Variants in FGF13 observed in about 807,000 individuals in gnomAD.
The protein encoded by FGF13 is fibroblast growth factor 13, also known as fibroblast growth factor homologous factor 2.
In FGF13, 2 loss-of-function variants were observed where a neutral mutation model predicts 19.5. The ratio of observed to expected loss-of-function variants is 0.10; its 90% CI spans 0.04 to 0.32. The LOEUF (loss-of-function observed/expected upper bound fraction) is 0.32. Ranked by LOEUF, FGF13 falls within the 10% of genes least tolerant of loss-of-function variation. The probability of loss-of-function intolerance (pLI) is 1.00; values close to 1 mark genes in which losing one functional copy is unlikely to be tolerated. For synonymous variants in FGF13, 72 were observed against 76.9 expected (o/e 0.94, Z 0.33); for missense variants, 113 against 192.7 (o/e 0.59, Z 2.45).
chrX:139,039,073 C>G (rs962267008), intron 1 of FGF13, among the ~76,000 whole-genome samples: 2 of 112,164 alleles, frequency 1.8e-5, no homozygotes. Context: ...AGATTTGAAA[C>G]CAAGCCTTCT....
intron 1 of FGF13, among the ~76,000 whole-genome samples, chrX:139,201,625 A>G (rs1275796274): frequency 8.9e-6 from 1 of 112,185 alleles, no homozygotes; most frequent in Non-Finnish European, 1.9e-5. Flanking sequence ...ATTAAAGATG[A>G]CCTATATATA....
chrX:139,118,435 C>A (rs1482844619), intron 1 of FGF13, among the ~76,000 whole-genome samples: 1 of 111,355 alleles, frequency 9.0e-6, no homozygotes, highest in Admixed American at 9.5e-5. Context: ...TAGGAACTCT[C>A]TGAATTAGGA....
At chrX:139,054,889 G>A (rs867103042) in intron 1 of FGF13, among the ~76,000 whole-genome samples, 1 of 96,200 alleles carries the variant, frequency 1.0e-5, no homozygotes. Flanking sequence ...GTTGTGTTGT[G>A]TTGTGTTGTG....
intron 1 of FGF13, among the ~76,000 whole-genome samples, chrX:138,877,234 T>C (rs2091395408): frequency 9.1e-6 from 1 of 110,366 alleles, no homozygotes; most frequent in African/African-American, 3.3e-5. Context: ...TTCTGTTTTT[T>C]TTTTAAGAAG....
At chrX:139,095,755 C>A (rs1181072212) in intron 1 of FGF13, among the ~76,000 whole-genome samples, 1 of 111,944 alleles carries the variant, frequency 8.9e-6, no homozygotes, top group Non-Finnish European at 1.9e-5. Flanking sequence ...CCACTTTCTG[C>A]ATCTTTGTTC....
intron 1 of FGF13, among the ~76,000 whole-genome samples, chrX:138,736,998 G>A (rs1373661010): frequency 1.8e-5 from 2 of 111,463 alleles, no homozygotes; most frequent in Non-Finnish European, 3.8e-5. Context: ...TTAAAAACAA[G>A]ATTGAAAGGG....
intron 1 of FGF13, among the ~76,000 whole-genome samples, chrX:139,043,506 C>T (rs1214723449): frequency 1.8e-5 from 2 of 111,172 alleles, no homozygotes; most frequent in Non-Finnish European, 3.8e-5. Flanking sequence ...AGCCACCGCA[C>T]CTGGCTGCTT....
intron 3 of FGF13, among the ~76,000 whole-genome samples, chrX:138,663,823 TAA>T (rs758318109): frequency 2.7e-5 from 3 of 111,548 alleles, no homozygotes; most frequent in Non-Finnish European, 5.7e-5. Flanking sequence ...GTTTATATGA[TAA>T]GAGAGAGAGG....
At chrX:138,667,636 G>A (rs2089564402) in intron 3 of FGF13, 1 of 338,101 alleles carries the variant, frequency 3.0e-6, no homozygotes, top group Non-Finnish European at 5.9e-6. Flanking sequence ...GCATTGGGGT[G>A]GTGGGGTAAG....
intron 3 of FGF13, among the ~76,000 whole-genome samples, chrX:138,676,831 C>G (rs1367329444): frequency 5.4e-5 from 6 of 111,989 alleles, no homozygotes; most frequent in African/African-American, 2.0e-4. Flanking sequence ...TGCTGTGCAG[C>G]CAGGTTCCTG....
chrX:138,919,550 A>G (rs974280463), intron 1 of FGF13, among the ~76,000 whole-genome samples: 22 of 112,190 alleles, frequency 2.0e-4, no homozygotes, highest in African/African-American at 5.8e-4. Flanking sequence ...AAACCGACAC[A>G]ACTGCATGCA....
intron 3 of FGF13, among the ~76,000 whole-genome samples, chrX:138,745,016 G>T (rs113988654): frequency 3.6e-5 from 4 of 111,874 alleles, no homozygotes; most frequent in African/African-American, 1.3e-4. Context: ...TGTTATTACT[G>T]ACAAGAGCTG....
intron 2 of FGF13, among the ~76,000 whole-genome samples, chrX:138,858,985 C>G (rs1479372756): frequency 8.9e-6 from 1 of 111,824 alleles, no homozygotes; most frequent in African/African-American, 3.3e-5. Flanking sequence ...TTGTTGTCTT[C>G]CTTTATAACT....
chrX:138,888,023 T>G (rs1422469134), intron 1 of FGF13, among the ~76,000 whole-genome samples: 1 of 112,489 alleles, frequency 8.9e-6, no homozygotes, highest in Non-Finnish European at 1.9e-5. Flanking sequence ...TTCATGGAAC[T>G]TGAATTATGT....
intron 3 of FGF13, among the ~76,000 whole-genome samples, chrX:138,643,653 C>CTGT (rs1398687691): frequency 8.9e-6 from 1 of 111,812 alleles, no homozygotes; most frequent in Non-Finnish European, 1.9e-5. Context: ...ACTGTGTGAA[C>CTGT]TGTTGTATAT....
At chrX:138,886,677 C>T (rs747974035) in intron 1 of FGF13, among the ~76,000 whole-genome samples, 7 of 111,946 alleles carry the variant, frequency 6.3e-5, no homozygotes, top group Non-Finnish European at 1.3e-4. Flanking sequence ...TGTGAAAGTA[C>T]TCTGTAAACA....
intron 1 of FGF13, among the ~76,000 whole-genome samples, chrX:138,738,987 TCA>T (rs2090300246): frequency 9.1e-6 from 1 of 109,831 alleles, no homozygotes; most frequent in Non-Finnish European, 1.9e-5. Flanking sequence ...AAATACACAT[TCA>T]GTTTCCTATA....
intron 3 of FGF13, among the ~76,000 whole-genome samples, chrX:138,786,562 A>G (rs1223321993): frequency 8.9e-6 from 1 of 111,916 alleles, no homozygotes; most frequent in Non-Finnish European, 1.9e-5. Flanking sequence ...ACAGTGAGTC[A>G]GACAACTTGT....
Position 138,952,534 on chromosome X carries a change from A to G in FGF13, c.-112-87884T>C, listed in dbSNP as rs2091818888. Among the ~76,000 whole-genome samples, 6 of 111,913 alleles carry G rather than the reference A, an allele frequency of 5.4e-5. No individual in the cohort carries two copies. The Admixed American group carries it at 5.7e-4, about 11-fold the overall frequency. ...AGGCATGGGCAAGGACTTCATGTCT[A>G]AAACACCAAAAGCAATGGCAACACA... On this transcript the variant is annotated intron_variant, in intron 1 of 2. Transcript: ENST00000421460.
Sources: gnomAD v4.1 joint callset for allele counts (sites outside exome capture counted in the v4.1 genomes callset) on GRCh38, gnomAD v4.1.1 for gene constraint, MANE v1.5 for transcripts, NCBI Gene and HGNC (gene_info 2026-07-23, HGNC 2026-07-21) for gene names.